Variants in TENM3 observed in about 807,000 individuals in gnomAD.
The protein encoded by TENM3 is teneurin transmembrane protein 3, also known as teneurin-3.
Under a neutral mutation model 255.1 loss-of-function variants are expected in TENM3, and 63 were observed. The observed-to-expected ratio is 0.25, with a 90% CI of 0.20 to 0.30. The LOEUF is 0.30. Among genes scored for constraint, TENM3 ranks in the 10% least tolerant of loss-of-function variants. The probability of loss-of-function intolerance (pLI) is 1.00; values close to 1 mark genes in which losing one functional copy is unlikely to be tolerated. For missense variants in TENM3, 2,929 were observed against 3,461.1 expected, an observed-to-expected ratio of 0.85 and a Z score of 3.86; for synonymous variants, 1,306 against 1,322.3, an observed-to-expected ratio of 0.99 and a Z score of 0.27.
At chr4:181,494,477 G>T in the TENM3 span, among the ~76,000 whole-genome samples, 1 of 152,002 alleles carries the variant, frequency 6.6e-6, no homozygotes, top group Admixed American at 6.6e-5. Flanking sequence ...ATAGAGATGG[G>T]GTTTCACTAT....
the TENM3 span, among the ~76,000 whole-genome samples, chr4:181,610,764 G>A: frequency 2.0e-5 from 3 of 152,102 alleles, no homozygotes; most frequent in Non-Finnish European, 4.4e-5. Flanking sequence ...GTACTCAGAT[G>A]AGCGGACATC....
intron 11 of TENM3, among the ~76,000 whole-genome samples, chr4:182,682,943 A>G (rs1248668663): frequency 6.6e-6 from 1 of 152,216 alleles, no homozygotes; most frequent in Non-Finnish European, 1.5e-5. Context: ...ATATTATGCT[A>G]AATTCAGTGG....
intron 4 of TENM3, among the ~76,000 whole-genome samples, chr4:182,627,152 A>G (rs1750895460): frequency 6.6e-6 from 1 of 152,234 alleles, no homozygotes; most frequent in Admixed American, 6.5e-5. Flanking sequence ...CTAAGCAATA[A>G]TATACATAAA....
chr4:182,048,138 T>C, the TENM3 span, among the ~76,000 whole-genome samples: 5 of 152,186 alleles, frequency 3.3e-5, no homozygotes, highest in Admixed American at 6.5e-5. Flanking sequence ...TTTTCATCAG[T>C]TCCCCCCACA....
chr4:182,555,890 C>T (rs554078676), intron 3 of TENM3, among the ~76,000 whole-genome samples: 176 of 151,984 alleles, frequency 1.2e-3, no homozygotes, highest in African/African-American at 4.0e-3. Flanking sequence ...TTCCCAGGTC[C>T]TGAGGCCTCT....
chr4:181,644,214 TAGCC>T, the TENM3 span, among the ~76,000 whole-genome samples: 1 of 151,930 alleles, frequency 6.6e-6, no homozygotes, highest in Non-Finnish European at 1.5e-5. Context: ...TCCAAGCAAC[TAGCC>T]AGTGTTCCTT....
At chr4:182,107,686 C>A in the TENM3 span, among the ~76,000 whole-genome samples, 4 of 152,064 alleles carry the variant, frequency 2.6e-5, no homozygotes, top group South Asian at 8.3e-4. Flanking sequence ...AAAATATTCC[C>A]CTTTTATTTT....
chr4:182,677,711 A>G (rs932976376), intron 7 of TENM3, among the ~76,000 whole-genome samples: 6 of 152,342 alleles, frequency 3.9e-5, no homozygotes, highest in Middle Eastern at 3.4e-3. Flanking sequence ...CTGTTTTTAT[A>G]TATTTCTCAC....
the TENM3 span, among the ~76,000 whole-genome samples, chr4:181,479,788 C>T: frequency 1.1e-3 from 174 of 152,074 alleles, no homozygotes; most frequent in African/African-American, 4.1e-3. Flanking sequence ...AAATTACATT[C>T]GAAGATGTCA....
At chr4:181,560,755 C>G in the TENM3 span, among the ~76,000 whole-genome samples, 1 of 152,152 alleles carries the variant, frequency 6.6e-6, no homozygotes, top group South Asian at 2.1e-4. Context: ...TGAAGTTCCC[C>G]CAGCCAGGAA....
At chr4:182,254,211 T>C (rs182147850) in intron 1 of TENM3, among the ~76,000 whole-genome samples, 8 of 152,308 alleles carry the variant, frequency 5.3e-5, no homozygotes, top group African/African-American at 1.4e-4. Context: ...TCACGCAGGC[T>C]GGATAAAGAC....
At chr4:181,741,916 C>T in the TENM3 span, among the ~76,000 whole-genome samples, 9 of 152,280 alleles carry the variant, frequency 5.9e-5, no homozygotes, top group East Asian at 1.7e-3. Flanking sequence ...GGTTTTCACC[C>T]TCTAGCTACA....
chr4:182,627,230 T>C (rs186982128), intron 4 of TENM3, among the ~76,000 whole-genome samples: 4 of 152,316 alleles, frequency 2.6e-5, no homozygotes, highest in African/African-American at 4.8e-5. Context: ...CCAAGCACTT[T>C]ACTTTAAATA....
At chr4:182,074,820 A>G in the TENM3 span, among the ~76,000 whole-genome samples, 2 of 152,206 alleles carry the variant, frequency 1.3e-5, no homozygotes, top group African/African-American at 4.8e-5. Context: ...CAACACAAAA[A>G]CAAACGTGGT....
chr4:182,539,896 A>G (rs1478694641), intron 3 of TENM3, among the ~76,000 whole-genome samples: 2 of 152,238 alleles, frequency 1.3e-5, no homozygotes, highest in African/African-American at 4.8e-5. Context: ...GATGTCAGAT[A>G]GACTGCTGGA....
intron 5 of TENM3, among the ~76,000 whole-genome samples, chr4:182,629,231 T>C (rs1751117872): frequency 6.6e-6 from 1 of 152,116 alleles, no homozygotes; most frequent in African/African-American, 2.4e-5. Context: ...CTGTGCAGGA[T>C]TTCCTTCAAT....
chr4:182,037,514 A>G, the TENM3 span, among the ~76,000 whole-genome samples: 4 of 152,200 alleles, frequency 2.6e-5, no homozygotes, highest in African/African-American at 9.7e-5. Flanking sequence ...CCAAACTTCT[A>G]TATCAAATGT....
chr4:182,416,559 T>A (rs73869979), intron 3 of TENM3, among the ~76,000 whole-genome samples: 2 of 152,334 alleles, frequency 1.3e-5, no homozygotes, highest in South Asian at 2.1e-4. Context: ...TACATTTTTT[T>A]AAGGTATTTA....
At chr4:181,967,851 C>T in the TENM3 span, among the ~76,000 whole-genome samples, 10 of 152,202 alleles carry the variant, frequency 6.6e-5, no homozygotes, top group African/African-American at 1.7e-4. Flanking sequence ...ACTTCTGGAC[C>T]GAGGCCTGAA....
Sources: allele counts gnomAD v4.1 joint callset (sites outside exome capture counted in the v4.1 genomes callset), GRCh38; gene constraint gnomAD v4.1.1; transcripts MANE v1.5; gene names NCBI Gene and HGNC (gene_info 2026-07-23, HGNC 2026-07-21).